The following SPOCK3 variants were observed in gnomAD, a reference collection of about 807,000 sequenced individuals.
SPOCK3 encodes the protein SPARC (osteonectin), cwcv and kazal like domains proteoglycan 3.
A neutral mutation model predicts 56.6 loss-of-function variants in SPOCK3; 30 were observed. That is an observed-to-expected ratio of 0.53 (90% CI 0.40 to 0.72). The LOEUF is 0.72. Among genes scored for constraint, SPOCK3 ranks in the 30% least tolerant of loss-of-function variants. The pLI, the probability that SPOCK3 is intolerant of heterozygous loss-of-function variation, is 0.00. For synonymous variants in SPOCK3, 196 were observed against 183.3 expected (o/e 1.07, Z -0.56); for missense variants, 527 against 530.0 (o/e 0.99, Z 0.06).
chr4:166,784,333 C>T (rs1255670943), intron 7 of SPOCK3, among the ~76,000 whole-genome samples: 3 of 152,042 alleles, frequency 2.0e-5, no homozygotes, highest in Non-Finnish European at 4.4e-5. Flanking sequence ...TACTTTTAAA[C>T]TACATGTGAT....
At chr4:166,864,417 A>G (rs551456776) in intron 6 of SPOCK3, among the ~76,000 whole-genome samples, 55 of 152,326 alleles carry the variant, frequency 3.6e-4, no homozygotes, top group African/African-American at 1.3e-3. Flanking sequence ...GCAGAAGACA[A>G]GAAATAGCTA....
chr4:167,219,136 A>C (rs1735649477), intron 2 of SPOCK3, among the ~76,000 whole-genome samples: 1 of 152,218 alleles, frequency 6.6e-6, no homozygotes, highest in Non-Finnish European at 1.5e-5. Context: ...TGTTCATTTT[A>C]GATGAATCTG....
chr4:167,145,926 C>A (rs188380233), intron 2 of SPOCK3, among the ~76,000 whole-genome samples: 18 of 152,242 alleles, frequency 1.2e-4, no homozygotes, highest in Non-Finnish European at 2.4e-4. Flanking sequence ...AATCAACTAG[C>A]ATCACAATGG....
intron 2 of SPOCK3, among the ~76,000 whole-genome samples, chr4:167,192,849 C>T (rs1018954933): frequency 6.9e-6 from 1 of 145,780 alleles, no homozygotes; most frequent in African/African-American, 2.6e-5. Context: ...TTGATTTCTT[C>T]TTTGACCCAT....
chr4:166,901,011 C>T (rs892722390), intron 5 of SPOCK3, among the ~76,000 whole-genome samples: 13 of 152,156 alleles, frequency 8.5e-5, no homozygotes, highest in Non-Finnish European at 1.9e-4. Context: ...TTGCAAGTGT[C>T]TTAAAGTTAA....
intron 5 of SPOCK3, among the ~76,000 whole-genome samples, chr4:166,902,820 G>T (rs113347613): frequency 0.078 from 11,797 of 150,640 alleles, 526 homozygotes; most frequent in Non-Finnish European, 0.1. Context: ...TCTTTTAAAA[G>T]CTGAGTAATT....
At chr4:166,896,575 G>T (rs1012490048) in intron 5 of SPOCK3, among the ~76,000 whole-genome samples, 7 of 152,238 alleles carry the variant, frequency 4.6e-5, no homozygotes, top group Admixed American at 2.6e-4. Flanking sequence ...CCTATCTCTC[G>T]GTAAGGATGT....
At chr4:166,889,535 G>A (rs965353417) in intron 5 of SPOCK3, among the ~76,000 whole-genome samples, 1 of 151,936 alleles carries the variant, frequency 6.6e-6, no homozygotes, top group African/African-American at 2.4e-5. Context: ...TATATGACAT[G>A]AGTAGAACAT....
chr4:166,875,990 A>C (rs1733040726), intron 6 of SPOCK3, among the ~76,000 whole-genome samples: 1 of 121,932 alleles, frequency 8.2e-6, no homozygotes, highest in South Asian at 2.7e-4. Flanking sequence ...ACAGGAGCCC[A>C]GTGGAAGGCG....
intron 2 of SPOCK3, among the ~76,000 whole-genome samples, chr4:167,110,262 C>T (rs964410574): frequency 3.2e-4 from 49 of 152,040 alleles, no homozygotes; most frequent in African/African-American, 1.2e-3. Context: ...TTTCTTGAAG[C>T]AGAAATATCT....
At position 166,973,044 on chromosome 4, in the gene SPOCK3, TC is replaced by T. The variant is rs551536655; in HGVS notation, c.350+27304del. Among the ~76,000 whole-genome samples the T allele has an allele frequency of 9.7e-4, 147 of 152,238 alleles. 1 individual carries two copies. Among genetic ancestry groups the T allele is most frequent in the African/African-American group, 3.1e-3 (129 of 41,564 alleles). ...TCTTAAACTGTAACCCGAATTGTAA[TC>T]CCCAGATGTTAAGGAAGGGACTTGG... On this transcript the variant is annotated intron_variant, in intron 4 of 10. Coordinates refer to ENST00000357545, the MANE Select transcript of SPOCK3 (RefSeq NM_001040159.2).
chr4:167,060,679 T>C (rs1022730888), intron 3 of SPOCK3, among the ~76,000 whole-genome samples: 3 of 152,160 alleles, frequency 2.0e-5, no homozygotes, highest in African/African-American at 7.2e-5. Flanking sequence ...ATGTGCATTT[T>C]TAAAGCATAA....
At chr4:166,941,469 T>G (rs73861911) in intron 4 of SPOCK3, among the ~76,000 whole-genome samples, 7,637 of 152,276 alleles carry the variant, frequency 0.05, 620 homozygotes, top group African/African-American at 0.17. Flanking sequence ...AGCTAAAATA[T>G]CTACCAAGAG....
chr4:167,112,437 CCTA>C (rs1272358646), intron 2 of SPOCK3, among the ~76,000 whole-genome samples: 1 of 152,046 alleles, frequency 6.6e-6, no homozygotes, highest in Non-Finnish European at 1.5e-5. Context: ...TCAGGGTCTG[CCTA>C]CCTACTTCAT....
chr4:167,208,883 C>T (rs886309654), intron 2 of SPOCK3, among the ~76,000 whole-genome samples: 1 of 152,086 alleles, frequency 6.6e-6, no homozygotes, highest in African/African-American at 2.4e-5. Context: ...CATTAAAATC[C>T]TGTTAACAGC....
intron 2 of SPOCK3, among the ~76,000 whole-genome samples, chr4:167,115,126 G>A (rs995389391): frequency 3.9e-5 from 6 of 152,078 alleles, no homozygotes; most frequent in Non-Finnish European, 8.8e-5. Flanking sequence ...CAGAGAGTGG[G>A]AGACTGAAGT....
chr4:166,749,427 A>T (rs1441012648), intron 8 of SPOCK3, among the ~76,000 whole-genome samples: 2 of 151,594 alleles, frequency 1.3e-5, no homozygotes, highest in Non-Finnish European at 2.9e-5. Context: ...CATAGGTGGG[A>T]ATTGAACAAT....
rs112297266 is a variant in SPOCK3, at chr4:166,747,089, A to G, written c.932-5030T>C. Among the ~76,000 whole-genome samples, 1,460 of 151,924 alleles carry G rather than the reference A, an allele frequency of 9.6e-3. 27 individuals are homozygous for G. Among genetic ancestry groups the G allele is most frequent in the African/African-American group, 0.033 (1,382 of 41,392 alleles). On this transcript the variant is annotated intron_variant, in intron 8 of 10. Coordinates refer to ENST00000357545, the MANE Select transcript of SPOCK3 (RefSeq NM_001040159.2). Reference sequence around the variant, plus strand: ...AGCTGGTACCATTCCTTCTGAAACTATTCCAATCAATAGAAAAAAAGTGAA... The same window carrying G: ...AGCTGGTACCATTCCTTCTGAAACTGTTCCAATCAATAGAAAAAAAGTGAA...
At chr4:166,737,959 T>C (rs1386939262) in intron 9 of SPOCK3, among the ~76,000 whole-genome samples, 1 of 152,190 alleles carries the variant, frequency 6.6e-6, no homozygotes, top group African/African-American at 2.4e-5. Context: ...CCAGACCACT[T>C]AGCATGGCAG....
Sources: allele counts gnomAD v4.1 joint callset (sites outside exome capture counted in the v4.1 genomes callset), GRCh38; gene constraint gnomAD v4.1.1; transcripts MANE v1.5; gene names NCBI Gene and HGNC (gene_info 2026-07-23, HGNC 2026-07-21).